Variants in HOXB9 observed in about 807,000 individuals in gnomAD.
HOXB9 encodes homeobox protein Hox-B9.
A neutral mutation model predicts 21.5 loss-of-function variants in HOXB9; 10 were observed. That is an observed-to-expected ratio of 0.47 (90% CI 0.29 to 0.79). The LOEUF (loss-of-function observed/expected upper bound fraction) is 0.79. Ranked by LOEUF, HOXB9 falls within the 30% of genes least tolerant of loss-of-function variation. HOXB9 has a pLI of 0.10. For synonymous variants in HOXB9, 156 were observed against 151.2 expected (o/e 1.03, Z -0.23); for missense variants, 375 against 338.7 (o/e 1.11, Z -0.84).
intron 1 of HOXB9, among the ~76,000 whole-genome samples, chr17:48,623,691 ATGTG>A (rs145297772): frequency 1.3e-5 from 2 of 152,220 alleles, no homozygotes; most frequent in Non-Finnish European, 2.9e-5. Flanking sequence ...GGCAGCAGGC[ATGTG>A]TGTCTGCGTA....
At position 48,622,576 on chromosome 17, in the gene HOXB9, G is replaced by A; in HGVS notation, c.*324C>T. On this transcript the variant is annotated 3_prime_UTR_variant, in exon 2 of 2. Coordinates refer to ENST00000311177, the MANE Select transcript of HOXB9 (RefSeq NM_024017.5). ...AGAAACAGGCAAGCTGGAAGTGAGG[G>A]GCTAGGACTTCCCAGAAAAATTACA... 7.1e-6 allele frequency: 2 copies of A among 280,286 alleles called. No homozygotes were observed. Among genetic ancestry groups the A allele is most frequent in the East Asian group, 9.0e-5 (1 of 11,158 alleles). The allele number at this position is 280,286 out of a possible 1,614,324, so 17.4% of individuals were successfully genotyped here.
rs2070774518 is a variant in HOXB9 at position 48,622,020 on chromosome 17, ATTGTC to A, written c.*875_*879del. On this transcript the variant is annotated 3_prime_UTR_variant, in exon 2 of 2. Transcript: ENST00000311177. ...GTGCACAGATGAACAGGAGGACAAC[ATTGTC>A]AAGGCTCTACGACCCACAGTTTGAC... is the stretch of plus-strand genomic sequence containing the variant. 2 of 152,270 alleles carry A rather than the reference ATTGTC, an allele frequency of 1.3e-5. 1 individual carries two copies. Among genetic ancestry groups the A allele is most frequent in the South Asian group, 4.1e-4 (2 of 4,836 alleles). 9.4% of individuals were successfully genotyped at this position (152,270 alleles called of 1,614,324 possible).
At chr17:48,623,783 A>T (rs1237683322) in intron 1 of HOXB9, among the ~76,000 whole-genome samples, 1 of 152,184 alleles carries the variant, frequency 6.6e-6, no homozygotes, top group African/African-American at 2.4e-5. Flanking sequence ...AGCACACTCC[A>T]ATTCACACGC....
At chr17:48,624,440 T>C (rs1274688488) in intron 1 of HOXB9, among the ~76,000 whole-genome samples, 1 of 151,928 alleles carries the variant, frequency 6.6e-6, no homozygotes, top group Non-Finnish European at 1.5e-5. Context: ...GGGATCTGTT[T>C]GGGAGTGTGC....
intron 1 of HOXB9, among the ~76,000 whole-genome samples, chr17:48,624,454 G>C (rs1004842714): frequency 4.6e-5 from 7 of 152,158 alleles, no homozygotes; most frequent in Non-Finnish European, 8.8e-5. Flanking sequence ...AGTGTGCGGG[G>C]AGGGTTGGGG....
chr17:48,622,100 C>CGGAA lies in HOXB9; in HGVS notation c.*799_*800insTTCC, dbSNP rs2070775186. ...AACATCATGCGGAATTAAACATTTC[C>CGGAA]TGCAACAAAATGTATATGTTGGTGG... On this transcript the variant is annotated 3_prime_UTR_variant, in exon 2 of 2. Coordinates refer to ENST00000311177, the MANE Select transcript of HOXB9 (RefSeq NM_024017.5). 1 of 152,236 alleles carries CGGAA rather than the reference C, an allele frequency of 6.6e-6. No individual in the cohort carries two copies. Among genetic ancestry groups the CGGAA allele is most frequent in the African/African-American group, 2.4e-5 (1 of 41,452 alleles). The allele number at this position is 152,236 out of a possible 1,614,324, so 9.4% of individuals were successfully genotyped here. A position where few individuals can be genotyped will look rare whatever the true frequency, so the allele number is the denominator to read the frequency against.
In HOXB9 at chr17:48,622,264, C is replaced by G. The variant is rs1244958364; in HGVS notation, c.*636G>C. On this transcript the variant is annotated 3_prime_UTR_variant, in exon 2 of 2. Transcript: ENST00000311177. ...CTTGGCCTGAGAATAGTTGGCAACTCCATGGGAATGGTATGGCAATGCTGC... is the reference window on the plus strand; with the variant it reads ...CTTGGCCTGAGAATAGTTGGCAACTGCATGGGAATGGTATGGCAATGCTGC... 6.5e-6 allele frequency: 1 copy of G among 152,734 alleles called. No individual in the cohort carries two copies. Among genetic ancestry groups the G allele is most frequent in the Non-Finnish European group, 1.5e-5 (1 of 68,126 alleles). 9.5% of individuals were successfully genotyped at this position (152,734 alleles called of 1,614,324 possible). A position where few individuals can be genotyped will look rare whatever the true frequency, so the allele number is the denominator to read the frequency against.
In HOXB9 at chr17:48,626,102, C is replaced by G; in HGVS notation, c.168G>C (p.Ala56=). ...GCGCCCAGGAGGCGCCGAACACCGG[C>G]GCTTTGGGCTGGAAGCTGCACGAGG... is the stretch of plus-strand genomic sequence containing the variant. The part of the protein sequence containing the change: ...EFPSCSFQPK[A]PVFGASWAPL... The change falls in exon 1 of 2, where the codon GCG becomes GCC. Residue 56 remains alanine (A), a synonymous_variant. Transcript: ENST00000311177. 1.3e-6 allele frequency: 2 copies of G among 1,579,618 alleles called. No individual in the cohort carries two copies. Among genetic ancestry groups the G allele is most frequent in the Non-Finnish European group, 1.7e-6 (2 of 1,169,432 alleles).
chr17:48,624,991 GGGGCTCGGGAGC>G (rs1464171732), intron 1 of HOXB9, among the ~76,000 whole-genome samples: 1 of 152,208 alleles, frequency 6.6e-6, no homozygotes, highest in Non-Finnish European at 1.5e-5. Flanking sequence ...AGCCCGGGCT[GGGGCTCGGGAGC>G]CCCGCAGAGA....
intron 1 of HOXB9, among the ~76,000 whole-genome samples, 178 bp downstream of exon 1, chr17:48,625,575 C>A (rs563246089): frequency 1.3e-5 from 2 of 152,364 alleles, no homozygotes; most frequent in South Asian, 4.1e-4. Context: ...GTCTCCCCTT[C>A]TAGAGCACGC....
rs2070771477 is a variant in HOXB9, at chr17:48,621,669, C to G, written c.*1231G>C. On this transcript the variant is annotated 3_prime_UTR_variant, in exon 2 of 2. Transcript: ENST00000311177. ...AAGCCCGGGGCTTCTCTGCGTGGGT[C>G]GAGAAGCCGACGGGATTCGGAGGAA... 1 of 152,274 alleles carries G rather than the reference C, an allele frequency of 6.6e-6. No individual in the cohort carries two copies. The highest frequency in any genetic ancestry group is 6.5e-5 in the Admixed American group (1 of 15,280). The allele number at this position is 152,274 out of a possible 1,614,324, so 9.4% of individuals were successfully genotyped here.
intron 1 of HOXB9, among the ~76,000 whole-genome samples, chr17:48,625,101 G>A (rs2070800870): frequency 6.6e-6 from 1 of 152,258 alleles, no homozygotes; most frequent in Admixed American, 6.5e-5. Context: ...CTCCCGGGGA[G>A]GGGCCGGCGC....
intron 1 of HOXB9, among the ~76,000 whole-genome samples, chr17:48,623,975 G>A (rs1486445475): frequency 6.6e-6 from 1 of 152,228 alleles, no homozygotes; most frequent in Non-Finnish European, 1.5e-5. Context: ...TGGGGAGCCA[G>A]GGGTGATGTG....
Position 48,626,173 on chromosome 17 carries a change from A to G in HOXB9, c.97T>C (p.Tyr33His). 6.3e-7 allele frequency: 1 copy of G among 1,598,880 alleles called. No individual in the cohort carries two copies. ...TGGCCCGGCTGCCGCGAGCTCGCGT[A>G]CTGGCCAGAAGGAAACTTGGCTGGA... ...APPAKFPSGQ[Y>H]ASSRQPGHAE... Residue 33 changes from tyrosine to histidine, a missense_variant, in exon 1 of 2, where the codon TAC becomes CAC. By Grantham distance (83) the Tyr-to-His change is moderately conservative. Coordinates refer to ENST00000311177, the MANE Select transcript of HOXB9 (RefSeq NM_024017.5).
chr17:48,622,588 C>A lies in HOXB9; in HGVS notation c.*312G>T. 3.5e-6 allele frequency: 1 copy of A among 289,016 alleles called. No individual in the cohort carries two copies. Among genetic ancestry groups the A allele is most frequent in the Non-Finnish European group, 6.6e-6 (1 of 152,580 alleles). The allele number at this position is 289,016 out of a possible 1,614,324, so 17.9% of individuals were successfully genotyped here. On this transcript the variant is annotated 3_prime_UTR_variant, in exon 2 of 2. Coordinates refer to ENST00000311177, the MANE Select transcript of HOXB9 (RefSeq NM_024017.5). ...GCTGGAAGTGAGGGGCTAGGACTTC[C>A]CAGAAAAATTACAGGGCATACTAGG...
intron 1 of HOXB9, among the ~76,000 whole-genome samples, chr17:48,624,718 A>C (rs1187338491): frequency 1.3e-5 from 2 of 152,196 alleles, no homozygotes; most frequent in South Asian, 4.2e-4. Flanking sequence ...GAGTTCCCTC[A>C]CCGATGAGCC....
rs1435663192 is a variant in HOXB9, at chr17:48,625,964, C to T, written c.306G>A (p.Ala102=). ...SRYLRTWLEP[A]PRGEAAPGQG... is the part of the protein sequence containing the mutation. ...GCCCCGGGGCCGCTTCGCCGCGCGG[C>T]GCCGGCTCCAGCCAGGTGCGGAGGT... Residue 102 remains alanine (A), a synonymous_variant, in exon 1 of 2, where the codon GCG becomes GCA. Coordinates refer to ENST00000311177, the MANE Select transcript of HOXB9 (RefSeq NM_024017.5). 2 of 1,489,986 alleles carry T rather than the reference C, an allele frequency of 1.3e-6. No individual in the cohort carries two copies. The highest frequency in any genetic ancestry group is 2.5e-5 in the East Asian group (1 of 39,488). 92.3% of individuals were successfully genotyped at this position (1,489,986 alleles called of 1,614,324 possible).
At position 48,622,559 on chromosome 17, in the gene HOXB9, G is replaced by A. The variant is rs932253960; in HGVS notation, c.*341C>T. 3 of 254,270 alleles carry A rather than the reference G, an allele frequency of 1.2e-5. No homozygotes were observed. Among genetic ancestry groups the A allele is most frequent in the African/African-American group, 6.8e-5 (3 of 44,294 alleles). The allele number at this position is 254,270 out of a possible 1,614,324, so 15.8% of individuals were successfully genotyped here. On this transcript the variant is annotated 3_prime_UTR_variant, in exon 2 of 2. Coordinates refer to ENST00000311177, the MANE Select transcript of HOXB9 (RefSeq NM_024017.5). Reference sequence around the variant, plus strand: ...TTGGGTGGGTGTAGAGAAGAAACAGGCAAGCTGGAAGTGAGGGGCTAGGAC... The same window carrying A: ...TTGGGTGGGTGTAGAGAAGAAACAGACAAGCTGGAAGTGAGGGGCTAGGAC...
At chr17:48,624,690 G>A (rs1377242929) in intron 1 of HOXB9, among the ~76,000 whole-genome samples, 1 of 152,104 alleles carries the variant, frequency 6.6e-6, no homozygotes, top group African/African-American at 2.4e-5. Flanking sequence ...ACCAGCCTGC[G>A]AGTCATTGTT....
Sources: gnomAD v4.1 joint callset for allele counts (sites outside exome capture counted in the v4.1 genomes callset) on GRCh38, gnomAD v4.1.1 for gene constraint, MANE v1.5 for transcripts, NCBI Gene and HGNC (gene_info 2026-07-23, HGNC 2026-07-21) for gene names.